The following KCNIP3 variants were observed in gnomAD, a reference collection of about 807,000 sequenced individuals.
KCNIP3 encodes calsenilin.
Under a neutral mutation model 35.0 loss-of-function variants are expected in KCNIP3, and 28 were observed. The ratio of observed to expected loss-of-function variants is 0.80; its 90% CI spans 0.59 to 1.10. The LOEUF is 1.10. Among genes scored for constraint, KCNIP3 ranks in the 50% least tolerant of loss-of-function variants. The pLI is 0.00. For synonymous variants in KCNIP3, 134 were observed against 133.8 expected (o/e 1.00, Z -0.01); for missense variants, 295 against 338.4 (o/e 0.87, Z 1.01).
At chr2:95,313,695 A>C (rs1678379143) in intron 2 of KCNIP3, 1 of 152,148 alleles carries the variant, frequency 6.6e-6, no homozygotes, top group South Asian at 2.1e-4. Context: ...AATGTCACCC[A>C]CAAATAACCT....
At chr2:95,344,715 C>A (rs1180404465) in intron 2 of KCNIP3, among the ~76,000 whole-genome samples, 1 of 152,216 alleles carries the variant, frequency 6.6e-6, no homozygotes, top group African/African-American at 2.4e-5. Context: ...TGAAGCTGGG[C>A]ACATGCAGCT....
intron 1 of KCNIP3, 64 bp downstream of exon 1, chr2:95,297,517 G>C (rs1380216514): frequency 8.1e-7 from 1 of 1,229,822 alleles, no homozygotes; most frequent in African/African-American, 1.5e-5. Context: ...GGAGGCTTCT[G>C]GGGGTTGCTC....
At chr2:95,297,830 C>T (rs1057044783) in intron 1 of KCNIP3, among the ~76,000 whole-genome samples, 15 of 152,074 alleles carry the variant, frequency 9.9e-5, no homozygotes, top group Non-Finnish European at 2.1e-4. Flanking sequence ...CAGGTGCCAG[C>T]GTGGCTGACA....
intron 5 of KCNIP3, among the ~76,000 whole-genome samples, chr2:95,380,896 C>T (rs1456640402): frequency 6.6e-6 from 1 of 152,104 alleles, no homozygotes; most frequent in African/African-American, 2.4e-5. Flanking sequence ...CCGAGTGGTC[C>T]CAGCTACTCA....
intron 2 of KCNIP3, among the ~76,000 whole-genome samples, chr2:95,354,086 C>CTT (rs1229483948): frequency 6.6e-6 from 1 of 152,202 alleles, no homozygotes; most frequent in Admixed American, 6.5e-5. Flanking sequence ...TCACTTCTGT[C>CTT]TGAGTGGTTT....
At chr2:95,359,371 G>A (rs1168216156) in intron 2 of KCNIP3, among the ~76,000 whole-genome samples, 1 of 152,154 alleles carries the variant, frequency 6.6e-6, no homozygotes, top group Non-Finnish European at 1.5e-5. Flanking sequence ...AGAAAAAAGG[G>A]GGTAACTGGT....
intron 8 of KCNIP3, among the ~76,000 whole-genome samples, chr2:95,383,646 C>A (rs1189681670): frequency 6.6e-6 from 1 of 152,220 alleles, no homozygotes; most frequent in African/African-American, 2.4e-5. Flanking sequence ...TGCTGCTGGC[C>A]CTTCCAGAGA....
At chr2:95,370,575 T>C (rs1680019121) in intron 2 of KCNIP3, among the ~76,000 whole-genome samples, 1 of 152,236 alleles carries the variant, frequency 6.6e-6, no homozygotes, top group Admixed American at 6.5e-5. Context: ...GACACGTCCT[T>C]GTCTTTTGCC....
chr2:95,374,796 G>C, intron 3 of KCNIP3, 52 bp from the exon 4 acceptor site: 3 of 1,585,870 alleles, frequency 1.9e-6, no homozygotes, highest in African/African-American at 1.3e-5. Context: ...ATGCAGAGTC[G>C]GGCTTGGAGC....
chr2:95,327,002 C>T (rs1307565555), intron 2 of KCNIP3, among the ~76,000 whole-genome samples: 1 of 152,224 alleles, frequency 6.6e-6, no homozygotes, highest in Non-Finnish European at 1.5e-5. Flanking sequence ...CTTATCACCA[C>T]AGTGCTCGGC....
intron 2 of KCNIP3, among the ~76,000 whole-genome samples, chr2:95,361,233 T>C (rs910386948): frequency 6.6e-6 from 1 of 152,184 alleles, no homozygotes; most frequent in African/African-American, 2.4e-5. Flanking sequence ...TTCCATGTCT[T>C]GGTGGATGAC....
At chr2:95,374,200 C>G (rs1180163817) in intron 2 of KCNIP3, 96 bp from the exon 3 acceptor site, 1 of 1,469,130 alleles carries the variant, frequency 6.8e-7, no homozygotes. Context: ...GAGAGTTCCT[C>G]CACCTGCTAT....
At chr2:95,368,557 C>A (rs1679972386) in intron 2 of KCNIP3, 1 of 391,038 alleles carries the variant, frequency 2.6e-6, no homozygotes, top group South Asian at 3.2e-5. Context: ...GAGTCATAAC[C>A]ATTTTGCCAT....
chr2:95,369,080 C>T (rs1167112923), intron 2 of KCNIP3, among the ~76,000 whole-genome samples: 4 of 152,078 alleles, frequency 2.6e-5, no homozygotes, highest in East Asian at 1.9e-4. Flanking sequence ...TGTTTTTTAC[C>T]GTTAAGAATG....
chr2:95,357,139 C>T (rs963724534), intron 2 of KCNIP3, among the ~76,000 whole-genome samples: 3 of 152,244 alleles, frequency 2.0e-5, no homozygotes, highest in African/African-American at 7.2e-5. Flanking sequence ...CATACCTAGA[C>T]ACAGGTGGTA....
chr2:95,338,556 T>C (rs577202900), intron 2 of KCNIP3, among the ~76,000 whole-genome samples: 92 of 152,282 alleles, frequency 6.0e-4, no homozygotes, highest in Non-Finnish European at 1.1e-3. Context: ...TTATGACCCA[T>C]TGGCCCAAAC....
chr2:95,374,904 C>T lies in KCNIP3; in HGVS notation c.363C>T (p.Phe121=). 1 of 1,614,022 alleles carries T rather than the reference C, an allele frequency of 6.2e-7. No individual in the cohort carries two copies. Among genetic ancestry groups the T allele is most frequent in the Non-Finnish European group, 8.5e-7 (1 of 1,179,994 alleles). ...EDTFKLIYAQ[F]FPQGDATTYA... Reference sequence around the variant, plus strand: ...CCTTCAAACTCATTTACGCGCAGTTCTTCCCTCAGGGAGGTGAGTCTGAGG... The same window carrying T: ...CCTTCAAACTCATTTACGCGCAGTTTTTCCCTCAGGGAGGTGAGTCTGAGG... Residue 121 remains phenylalanine, a synonymous_variant, in exon 4 of 9, where the codon TTC becomes TTT. Transcript: ENST00000295225.
At chr2:95,347,965 C>T (rs1573504881) in intron 2 of KCNIP3, among the ~76,000 whole-genome samples, 1 of 152,234 alleles carries the variant, frequency 6.6e-6, no homozygotes, top group East Asian at 1.9e-4. Context: ...GGGAGCTGCC[C>T]AGCAGCCCCT....
chr2:95,384,091 C>T lies in KCNIP3; in HGVS notation c.*42C>T, dbSNP rs755537085. ...TGCATGGCCACAGCCACCTCCACCCCCAAGAAACCTCCATCCTGCCAGGAG... is the reference window on the plus strand; with the variant it reads ...TGCATGGCCACAGCCACCTCCACCCTCAAGAAACCTCCATCCTGCCAGGAG... On this transcript the variant is annotated 3_prime_UTR_variant, in exon 9 of 9. Transcript: ENST00000295225. 4.4e-6 allele frequency: 7 copies of T among 1,590,336 alleles called. No homozygotes were observed. The highest frequency in any genetic ancestry group is 6.0e-6 in the Non-Finnish European group (7 of 1,159,058).
Sources: allele counts gnomAD v4.1 joint callset (sites outside exome capture counted in the v4.1 genomes callset), GRCh38; gene constraint gnomAD v4.1.1; transcripts MANE v1.5; gene names NCBI Gene and HGNC (gene_info 2026-07-23, HGNC 2026-07-21).